Variants in NCLN observed in about 807,000 individuals in gnomAD.
The protein encoded by NCLN is BOS complex subunit NCLN.
In NCLN, 34 loss-of-function variants were observed where a neutral mutation model predicts 69.5. The ratio of observed to expected loss-of-function variants is 0.49; its 90% CI spans 0.37 to 0.65. The LOEUF (loss-of-function observed/expected upper bound fraction) is 0.65, where lower values mean the gene tolerates loss of function less well. NCLN is among the 30% of genes least tolerant of loss of function. NCLN has a pLI of 0.00. For synonymous variants in NCLN, 393 were observed against 358.3 expected (o/e 1.10, Z -1.09); for missense variants, 710 against 804.8 (o/e 0.88, Z 1.42).
chr19:3,205,550 C>T lies in NCLN; in HGVS notation c.1209-389C>T, dbSNP rs1345212555. Among the ~76,000 whole-genome samples, 2 of 152,212 alleles carry T rather than the reference C, an allele frequency of 1.3e-5. No individual in the cohort carries two copies. The highest frequency in any genetic ancestry group is 3.8e-4 in the East Asian group (2 of 5,200). On this transcript the variant is annotated intron_variant, in intron 9 of 14. Transcript: ENST00000246117. This position sits in a 1 kb window ranked among gnomAD's most constrained non-coding sequence, Gnocchi z 4.6. ...TGGGTGCACGGCTGTCCCAGCTGTGCTGAGCTCTCTCAAGACCACCAGGGG... is the reference window on the plus strand; with the variant it reads ...TGGGTGCACGGCTGTCCCAGCTGTGTTGAGCTCTCTCAAGACCACCAGGGG...
rs766353539 is a variant in NCLN, at chr19:3,204,634, C to A, written c.1091C>A (p.Ala364Glu). 5.0e-6 allele frequency: 8 copies of A among 1,606,910 alleles called. No homozygotes were observed. Among genetic ancestry groups the A allele is most frequent in the Non-Finnish European group, 5.1e-6 (6 of 1,176,976 alleles). ...ATGGTGCACAAGCGGATCAACCTGG[C>A]GGAGGACGTGCTGGCCTGGGAGCAC... The part of the protein sequence containing the change: ...FSMVHKRINL[A>E]EDVLAWEHER... Residue 364 changes from alanine (A) to glutamate (E), a missense_variant, in exon 9 of 15, where the codon GCG (alanine) becomes GAG (glutamate). Coordinates refer to ENST00000246117, the MANE Select transcript of NCLN (RefSeq NM_020170.4).
intron 5 of NCLN, among the ~76,000 whole-genome samples, chr19:3,200,635 G>C (rs1358635240): frequency 1.3e-5 from 2 of 152,030 alleles, no homozygotes; most frequent in African/African-American, 4.8e-5. Flanking sequence ...GATAATGATA[G>C]AACATAAAGT....
rs147675154 is a variant in NCLN at position 3,186,112 on chromosome 19, G to A, written c.82G>A (p.Ala28Thr). 18 of 1,598,320 alleles carry A rather than the reference G, an allele frequency of 1.1e-5. No individual in the cohort carries two copies. Among genetic ancestry groups the A allele is most frequent in the Admixed American group, 1.7e-5 (1 of 58,884 alleles). Residue 28 changes from alanine (A) to threonine (T), a missense_variant, in exon 1 of 15, where the codon GCT becomes ACT. Coordinates refer to ENST00000246117, the MANE Select transcript of NCLN (RefSeq NM_020170.4). ...GCTCGGCTTCATCGTCTTCCTGCCC[G>A]CTGTGCTGCTGCTGGTGGCGCCGCC... ...LPLGFIVFLPAVLLLVAPPLP... is the reference protein window; with the variant it reads ...LPLGFIVFLPTVLLLVAPPLP...
intron 4 of NCLN, among the ~76,000 whole-genome samples, chr19:3,197,346 A>T (rs941570596): frequency 6.6e-6 from 1 of 152,228 alleles, no homozygotes; most frequent in Non-Finnish European, 1.5e-5. Context: ...GTGGAAAAGC[A>T]TGTTGCAAAA....
At chr19:3,196,421 T>A (rs1483112790) in intron 4 of NCLN, 144 bp downstream of exon 4, 16 of 616,072 alleles carry the variant, frequency 2.6e-5, no homozygotes. Context: ...GAAAACCTCC[T>A]GTGGCTCCGC....
At chr19:3,192,154 C>T (rs1050450333) in intron 1 of NCLN, among the ~76,000 whole-genome samples, 13 of 152,350 alleles carry the variant, frequency 8.5e-5, no homozygotes, top group South Asian at 2.1e-4. Flanking sequence ...TGCTGCTGCA[C>T]TCCGGCCTGG....
chr19:3,201,552 G>C lies in NCLN; in HGVS notation c.726G>C (p.Gly242=), dbSNP rs1916126790. 6.4e-7 allele frequency: 1 copy of C among 1,567,418 alleles called. No individual in the cohort carries two copies. The highest frequency in any genetic ancestry group is 8.6e-7 in the Non-Finnish European group (1 of 1,163,424). The change falls in exon 6 of 15, where the codon GGG becomes GGC. Residue 242 remains glycine, a synonymous_variant. Transcript: ENST00000246117. ...PWLSLGADSN[G]SGVSVLLELA... The stretch of plus-strand genomic sequence containing the variant: ...TGTCGCTGGGCGCGGACTCCAACGG[G>C]AGCGGCGTCTCTGTGCTGCTGGAGC...
chr19:3,193,452 G>A, intron 3 of NCLN, 24 bp downstream of exon 3: 2 of 1,571,426 alleles, frequency 1.3e-6, no homozygotes, highest in African/African-American at 1.3e-5. Context: ...TGCAGGGACG[G>A]GGCCCGTGGG....
intron 1 of NCLN, among the ~76,000 whole-genome samples, chr19:3,190,659 G>A (rs1263495181): frequency 6.6e-6 from 1 of 152,198 alleles, no homozygotes; most frequent in African/African-American, 2.4e-5. Flanking sequence ...CCACGGGGAC[G>A]CTGGAGTCGG....
chr19:3,188,059 C>T (rs796571167), intron 1 of NCLN, among the ~76,000 whole-genome samples: 54 of 152,192 alleles, frequency 3.5e-4, no homozygotes, highest in African/African-American at 1.3e-3. Context: ...CGCGTGCCTG[C>T]GGCTCTCATA....
chr19:3,207,061 T>G, intron 12 of NCLN, 137 bp from the exon 13 acceptor site: 1 of 960,138 alleles, frequency 1.0e-6, no homozygotes, highest in East Asian at 2.4e-5. Context: ...TGACTTCAAG[T>G]GATCCGCCTG....
At position 3,204,707 on chromosome 19, in the gene NCLN, G is replaced by A. The variant is rs1916219544; in HGVS notation, c.1164G>A (p.Leu388=). Residue 388 remains leucine (L), a synonymous_variant, in exon 9 of 15, where the codon CTG becomes CTA. Coordinates refer to ENST00000246117, the MANE Select transcript of NCLN (RefSeq NM_020170.4). Reference sequence around the variant, plus strand: ...TGCCCGCCTTCACGCTGTCCCACCTGGAGAGCCACCGTGACGGCCAGCGCA... The same window carrying A: ...TGCCCGCCTTCACGCTGTCCCACCTAGAGAGCCACCGTGACGGCCAGCGCA... The part of the protein sequence containing the change: ...RRLPAFTLSH[L]ESHRDGQRSS... The A allele has an allele frequency of 6.3e-7, 1 of 1,593,660 alleles. No individual in the cohort carries two copies. Among genetic ancestry groups the A allele is most frequent in the Non-Finnish European group, 8.5e-7 (1 of 1,169,618 alleles).
chr19:3,196,383 T>G, intron 4 of NCLN, 106 bp downstream of exon 4: 1 of 800,992 alleles, frequency 1.2e-6, no homozygotes, highest in Non-Finnish European at 1.9e-6. Context: ...GATGGGAAAC[T>G]GGAGTCGGAT....
At chr19:3,191,987 G>C (rs1036278497) in intron 1 of NCLN, among the ~76,000 whole-genome samples, 1 of 152,156 alleles carries the variant, frequency 6.6e-6, no homozygotes, top group African/African-American at 2.4e-5. Flanking sequence ...TCGGGAGTTT[G>C]AGACCAGCCT....
At chr19:3,193,454 G>C in intron 3 of NCLN, 26 bp downstream of exon 3, 1 of 1,570,974 alleles carries the variant, frequency 6.4e-7, no homozygotes, top group African/African-American at 1.3e-5. Flanking sequence ...CAGGGACGGG[G>C]CCCGTGGGCG....
intron 6 of NCLN, among the ~76,000 whole-genome samples, chr19:3,203,470 C>G (rs74593686): frequency 8.1e-4 from 123 of 152,264 alleles, no homozygotes; most frequent in African/African-American, 2.8e-3. Flanking sequence ...CCTGGAGACA[C>G]TGAGTGATTT....
chr19:3,191,142 C>G (rs1344431730), intron 1 of NCLN, among the ~76,000 whole-genome samples: 1 of 151,266 alleles, frequency 6.6e-6, no homozygotes, highest in Non-Finnish European at 1.5e-5. Flanking sequence ...CTGAGACTTG[C>G]AGGGGTGAAG....
chr19:3,196,869 C>T (rs905408566), intron 4 of NCLN, among the ~76,000 whole-genome samples: 5 of 152,242 alleles, frequency 3.3e-5, no homozygotes, highest in Non-Finnish European at 7.3e-5. Flanking sequence ...CCCTGCGGGA[C>T]GGCGCCGGTG....
Position 3,206,072 on chromosome 19 carries a change from C to T in NCLN, c.1296+46C>T, listed in dbSNP as rs199993753. The T allele has an allele frequency of 8.1e-6, 13 of 1,603,236 alleles. No individual in the cohort carries two copies. In the East Asian group the frequency reaches 1.6e-4, roughly 20 times the overall value. ...GCCGCCAGACCCAGCCCCAGCCCTGCCCCCGGCCCCGGCCCCACCCCTGGC... is the reference window on the plus strand; with the variant it reads ...GCCGCCAGACCCAGCCCCAGCCCTGTCCCCGGCCCCGGCCCCACCCCTGGC... On this transcript the variant is annotated intron_variant, in intron 10 of 14. Coordinates refer to ENST00000246117, the MANE Select transcript of NCLN (RefSeq NM_020170.4).
Sources: allele counts gnomAD v4.1 joint callset (sites outside exome capture counted in the v4.1 genomes callset), GRCh38; gene constraint gnomAD v4.1.1; non-coding constraint Gnocchi (gnomAD v3.1); transcripts MANE v1.5; gene names NCBI Gene and HGNC (gene_info 2026-07-23, HGNC 2026-07-21).